NPAS2: variants seen among roughly 807,000 people sequenced by gnomAD.
The protein encoded by NPAS2 is neuronal PAS domain protein 2, also known as neuronal PAS domain-containing protein 2.
NPAS2 carries 23 observed loss-of-function variants against 107.5 expected under a neutral mutation model. The observed-to-expected ratio is 0.21, with a 90% confidence interval of 0.15 to 0.30. The LOEUF is 0.30. NPAS2 is among the 10% of genes least tolerant of loss of function. The pLI is 1.00. For synonymous variants in NPAS2, 403 were observed against 417.5 expected (o/e 0.97, Z 0.42); for missense variants, 756 against 1,043.3 (o/e 0.72, Z 3.79).
rs375284976 is a variant in NPAS2 at position 100,971,778 on chromosome 2, G to A, written c.1140+704G>A. 6.4e-4 allele frequency among the ~76,000 whole-genome samples: 97 copies of A among 151,970 alleles called. No homozygotes were observed. In the East Asian group the frequency reaches 0.017, roughly 27 times the overall value. On this transcript the variant is annotated intron_variant, in intron 12 of 20. Coordinates refer to ENST00000335681, the MANE Select transcript of NPAS2 (RefSeq NM_002518.4). ...GTCCTGGTCCATCACACAGCTTCAGGGAACCTTGGGGATCATCTGCAAGTA... is the reference window on the plus strand; with the variant it reads ...GTCCTGGTCCATCACACAGCTTCAGAGAACCTTGGGGATCATCTGCAAGTA...
At chr2:100,957,085 G>A (rs11123856) in intron 7 of NPAS2, among the ~76,000 whole-genome samples, 99,941 of 152,148 alleles carry the variant, frequency 0.66, 33,003 homozygotes, top group Middle Eastern at 0.74. Context: ...ACTCCTTAGG[G>A]CTTCATCATT....
chr2:100,977,626 G>C lies in NPAS2; in HGVS notation c.1393-84G>C, dbSNP rs1677105129. 3 of 1,215,918 alleles carry C rather than the reference G, an allele frequency of 2.5e-6. No homozygotes were observed. The Admixed American group carries it at 5.1e-5, about 21-fold the overall frequency. The allele number at this position is 1,215,918 out of a possible 1,614,324, so 75.3% of individuals were successfully genotyped here. ...GCTGTTCACCCCAGTGCGGAACGCA[G>C]AGAACCCACCGGACCAAGAGACCAC... On this transcript the variant is annotated intron_variant, in intron 14 of 20. Transcript: ENST00000335681.
chr2:100,921,747 A>G (rs552165479), intron 2 of NPAS2, among the ~76,000 whole-genome samples: 6 of 152,338 alleles, frequency 3.9e-5, no homozygotes, highest in South Asian at 4.1e-4. Flanking sequence ...AAACATTTCA[A>G]TGCACTGTAT....
chr2:100,957,926 T>TC lies in NPAS2; in HGVS notation c.599-6131dup, dbSNP rs1161277102. On this transcript the variant is annotated intron_variant, in intron 7 of 20. Transcript: ENST00000335681. ...CTGGGCGACAGAGCGAAACTCAGTC[T>TC]CAAAAAAAAAAGGTCTTTGCTTTAC... Among the ~76,000 whole-genome samples, 4 of 151,266 alleles carry TC rather than the reference T, an allele frequency of 2.6e-5. No individual in the cohort carries two copies. The East Asian group carries it at 5.8e-4, about 22-fold the overall frequency.
intron 1 of NPAS2, among the ~76,000 whole-genome samples, chr2:100,885,611 T>A (rs1218533495): frequency 6.6e-6 from 1 of 152,226 alleles, no homozygotes; most frequent in Non-Finnish European, 1.5e-5. Context: ...AAATGGAACG[T>A]TCTTTGTGAT....
chr2:100,883,874 C>G (rs528150183), intron 1 of NPAS2, among the ~76,000 whole-genome samples: 20 of 151,424 alleles, frequency 1.3e-4, no homozygotes, highest in African/African-American at 4.8e-4. Context: ...CACCACAGTT[C>G]CCATCTTCTC....
At chr2:100,936,857 C>CT (rs776717282) in intron 4 of NPAS2, among the ~76,000 whole-genome samples, 48 of 151,716 alleles carry the variant, frequency 3.2e-4, no homozygotes, top group Non-Finnish European at 5.9e-4. Context: ...TGGCATGTGC[C>CT]TGTAATCCCA....
At chr2:100,983,742 T>C (rs916658922) in intron 16 of NPAS2, 37 of 152,268 alleles carry the variant, frequency 2.4e-4, no homozygotes, top group African/African-American at 8.2e-4. Flanking sequence ...CGAGCTGCCA[T>C]TCCACCTTTT....
At chr2:100,886,921 GT>G (rs769405949) in intron 1 of NPAS2, among the ~76,000 whole-genome samples, 2 of 152,198 alleles carry the variant, frequency 1.3e-5, no homozygotes, top group African/African-American at 4.8e-5. Context: ...AGAGTCATGA[GT>G]TTTTAGATTT....
At chr2:100,972,321 C>T (rs1034568850) in intron 12 of NPAS2, among the ~76,000 whole-genome samples, 13 of 152,144 alleles carry the variant, frequency 8.5e-5, no homozygotes, top group African/African-American at 2.9e-4. Context: ...TTTTCATCAA[C>T]GGAAGGACAC....
At chr2:100,937,531 T>A (rs1684402797) in intron 4 of NPAS2, among the ~76,000 whole-genome samples, 1 of 152,256 alleles carries the variant, frequency 6.6e-6, no homozygotes, top group South Asian at 2.1e-4. Flanking sequence ...CATTTTTCAC[T>A]GATCCTGTAG....
intron 1 of NPAS2, among the ~76,000 whole-genome samples, chr2:100,873,305 T>TACACAC (rs1369269644): frequency 1.2e-3 from 47 of 38,268 alleles, no homozygotes; most frequent in East Asian, 8.1e-3. Context: ...TATATATATA[T>TACACAC]ATACACACAC....
chr2:100,952,151 C>CA (rs35401096), intron 7 of NPAS2, among the ~76,000 whole-genome samples: 7,901 of 66,462 alleles, frequency 0.12, 357 homozygotes, highest in South Asian at 0.24. Context: ...GACTCTGTCT[C>CA]AAAAAAAAAA....
At chr2:100,878,003 G>C (rs887975254) in intron 1 of NPAS2, 30 of 985,282 alleles carry the variant, frequency 3.0e-5, no homozygotes, top group Non-Finnish European at 3.5e-5. Context: ...TATCAGTTAC[G>C]TGTGGTATAG....
intron 2 of NPAS2, among the ~76,000 whole-genome samples, chr2:100,910,112 C>A (rs774455974): frequency 1.8e-4 from 28 of 152,096 alleles, no homozygotes; most frequent in Non-Finnish European, 3.1e-4. Flanking sequence ...TTTACTAAAG[C>A]CTTTTCAATA....
chr2:100,880,615 C>A (rs986736446), intron 1 of NPAS2, among the ~76,000 whole-genome samples: 5 of 152,104 alleles, frequency 3.3e-5, no homozygotes, highest in Non-Finnish European at 5.9e-5. Context: ...GGAGTGAGAG[C>A]ATAGCTCAGT....
At chr2:100,931,914 G>C (rs1683986461) in intron 3 of NPAS2, among the ~76,000 whole-genome samples, 1 of 142,600 alleles carries the variant, frequency 7.0e-6, no homozygotes, top group Non-Finnish European at 1.6e-5. Context: ...GCACAAAGGA[G>C]AGAGCCTTGA....
intron 2 of NPAS2, among the ~76,000 whole-genome samples, chr2:100,920,399 G>T (rs963422336): frequency 1.3e-5 from 2 of 151,986 alleles, no homozygotes; most frequent in Admixed American, 6.6e-5. Context: ...ACATCACATT[G>T]TACCCCATAA....
rs770159746 is a variant in NPAS2, at chr2:100,953,375, T to TAAAAAA, written c.598+3905_598+3910dup. Among the ~76,000 whole-genome samples the TAAAAAA allele has an allele frequency of 3.4e-5, 3 of 87,978 alleles. No homozygotes were observed. In the East Asian group the frequency reaches 7.5e-4, roughly 22 times the overall value. The allele number at this position is 87,978 out of a possible 152,430, so 57.7% of individuals were successfully genotyped here. On this transcript the variant is annotated intron_variant, in intron 7 of 20. Coordinates refer to ENST00000335681, the MANE Select transcript of NPAS2 (RefSeq NM_002518.4). ...GGTGACAGAGTGAAACTCCATCTCA[T>TAAAAAA]AAAAAAAAAAAAAAACAAAAAAAAC...
Sources: allele counts gnomAD v4.1 joint callset (sites outside exome capture counted in the v4.1 genomes callset), GRCh38; gene constraint gnomAD v4.1.1; transcripts MANE v1.5; gene names NCBI Gene and HGNC (gene_info 2026-07-23, HGNC 2026-07-21).